Variants in PPARGC1B observed in about 807,000 individuals in gnomAD.
PPARGC1B encodes PPARG coactivator 1 beta.
Under a neutral mutation model 101.6 loss-of-function variants are expected in PPARGC1B, and 34 were observed. That is an observed-to-expected ratio of 0.33 (90% CI 0.25 to 0.45). The LOEUF is 0.45. Among genes scored for constraint, PPARGC1B ranks in the 20% least tolerant of loss-of-function variants. The probability of loss-of-function intolerance (pLI) is 1.00; values close to 1 mark genes in which losing one functional copy is unlikely to be tolerated. For missense variants in PPARGC1B, 1,234 were observed against 1,317.6 expected (o/e 0.94, Z 0.98); for synonymous variants, 548 against 539.3 (o/e 1.02, Z -0.22).
intron 1 of PPARGC1B, among the ~76,000 whole-genome samples, chr5:149,797,870 G>A (rs1042410275): frequency 1.3e-5 from 2 of 152,160 alleles, no homozygotes; most frequent in East Asian, 1.9e-4. Flanking sequence ...GCAGTGAGCC[G>A]AGATTGCACC....
At chr5:149,846,090 T>C in intron 11 of PPARGC1B, 176 bp downstream of exon 11, 4 of 704,498 alleles carry the variant, frequency 5.7e-6, no homozygotes, top group Non-Finnish European at 7.5e-6. Context: ...CCATCCTGTT[T>C]CTCTTCTGGC....
chr5:149,817,521 T>C, intron 1 of PPARGC1B: 1 of 339,752 alleles, frequency 2.9e-6, no homozygotes, highest in Non-Finnish European at 5.8e-6. Flanking sequence ...TTGTTTCCTG[T>C]TATCTTCCAT....
At chr5:149,732,720 G>A in intron 1 of PPARGC1B, 1 of 456,030 alleles carries the variant, frequency 2.2e-6, no homozygotes. Context: ...AAGAGGACCT[G>A]GGCGGGCCCA....
intron 2 of PPARGC1B, among the ~76,000 whole-genome samples, chr5:149,822,324 G>T (rs1331164821): frequency 6.6e-6 from 1 of 152,190 alleles, no homozygotes; most frequent in Admixed American, 6.5e-5. Context: ...AGTAAGCTTG[G>T]TGCGGCCCCA....
At chr5:149,769,438 G>A (rs945091815) in intron 1 of PPARGC1B, among the ~76,000 whole-genome samples, 4 of 152,184 alleles carry the variant, frequency 2.6e-5, no homozygotes, top group Non-Finnish European at 4.4e-5. Flanking sequence ...GGAGCCAGGC[G>A]TCAGGAGGCA....
chr5:149,758,782 TA>T (rs1755623330), intron 1 of PPARGC1B, among the ~76,000 whole-genome samples: 1 of 152,362 alleles, frequency 6.6e-6, no homozygotes, highest in African/African-American at 2.4e-5. Context: ...TTCTTGTTTT[TA>T]ATTCAACAAA....
At chr5:149,791,498 G>A (rs1400699272) in intron 1 of PPARGC1B, among the ~76,000 whole-genome samples, 2 of 152,006 alleles carry the variant, frequency 1.3e-5, no homozygotes, top group Non-Finnish European at 2.9e-5. Flanking sequence ...CATCCCTGCA[G>A]GTGTGCAAGG....
chr5:149,842,421 G>C, intron 10 of PPARGC1B, 44 bp downstream of exon 10: 1 of 1,594,964 alleles, frequency 6.3e-7, no homozygotes, highest in Non-Finnish European at 8.6e-7. Context: ...GCAGAGAGGG[G>C]CACTGGTCCT....
intron 1 of PPARGC1B, among the ~76,000 whole-genome samples, chr5:149,735,614 A>G (rs1380392660): frequency 2.0e-5 from 3 of 152,208 alleles, no homozygotes; most frequent in East Asian, 1.9e-4. Flanking sequence ...TGCAAAATGT[A>G]GGTGCTGTTG....
chr5:149,790,905 G>A (rs1756993464), intron 1 of PPARGC1B, among the ~76,000 whole-genome samples: 1 of 152,066 alleles, frequency 6.6e-6, no homozygotes, highest in South Asian at 2.1e-4. Context: ...CAGGATCTCT[G>A]GGGTAGGGCC....
At chr5:149,802,787 T>C (rs765977008) in intron 1 of PPARGC1B, among the ~76,000 whole-genome samples, 2 of 152,152 alleles carry the variant, frequency 1.3e-5, no homozygotes, top group Non-Finnish European at 1.5e-5. Context: ...TAAATGTGCC[T>C]ATGAATCACC....
At chr5:149,775,517 C>T (rs1756326282) in intron 1 of PPARGC1B, among the ~76,000 whole-genome samples, 3 of 152,070 alleles carry the variant, frequency 2.0e-5, no homozygotes, top group South Asian at 4.1e-4. Flanking sequence ...CCATGGCAGA[C>T]AGAACGAATT....
chr5:149,750,935 G>A (rs1755276549), intron 1 of PPARGC1B, among the ~76,000 whole-genome samples: 1 of 152,150 alleles, frequency 6.6e-6, no homozygotes, highest in Non-Finnish European at 1.5e-5. Context: ...TACAGAAAAA[G>A]TTAATGTAAA....
rs1421136092 is a variant in PPARGC1B, at chr5:149,762,618, C to A, written c.78+32198C>A. Among the ~76,000 whole-genome samples, 3 of 152,318 alleles carry A rather than the reference C, an allele frequency of 2.0e-5. No individual in the cohort carries two copies. In the East Asian group the frequency reaches 5.8e-4, roughly 29 times the overall value. ...TTTAGAGGGTGTGTTATCCAAATAG[C>A]CTCCCAGGCAGGGCTTGGGCTGTTT... is the stretch of plus-strand genomic sequence containing the variant. On this transcript the variant is annotated intron_variant, in intron 1 of 11. Transcript: ENST00000309241.
chr5:149,836,389 A>G lies in PPARGC1B; in HGVS notation c.1934A>G (p.Lys645Arg), dbSNP rs751120539. The G allele has an allele frequency of 1.2e-5, 20 of 1,613,934 alleles. No individual in the cohort carries two copies. The highest frequency in any genetic ancestry group is 5.0e-5 in the Admixed American group (3 of 59,996). The change falls in exon 8 of 12, where the codon AAG (lysine) becomes AGG (arginine). Residue 645 changes from lysine to arginine, a missense_variant. Coordinates refer to ENST00000309241, the MANE Select transcript of PPARGC1B (RefSeq NM_133263.4). ...CCCTCCCCTGAGGGCCTCTCACTCA[A>G]GGCCACCCCAGGGGCTGCCCACAAG... ...SLPSPEGLSL[K>R]ATPGAAHKLP...
intron 1 of PPARGC1B, among the ~76,000 whole-genome samples, chr5:149,736,851 A>G (rs185953481): frequency 6.6e-6 from 1 of 152,182 alleles, no homozygotes; most frequent in Admixed American, 6.5e-5. Context: ...TGCCCCCAAC[A>G]TGCATAGCCT....
chr5:149,748,504 GAAACC>G (rs1755169635), intron 1 of PPARGC1B, among the ~76,000 whole-genome samples: 1 of 152,130 alleles, frequency 6.6e-6, no homozygotes, highest in East Asian at 1.9e-4. Flanking sequence ...TTGTGCACGG[GAAACC>G]AGTTGCAGAT....
At chr5:149,783,945 CAT>C (rs1463080325) in intron 1 of PPARGC1B, among the ~76,000 whole-genome samples, 1 of 152,146 alleles carries the variant, frequency 6.6e-6, no homozygotes, top group Non-Finnish European at 1.5e-5. Flanking sequence ...TCTGCACACA[CAT>C]GTGTGCAGGC....
rs975611407 is a variant in PPARGC1B at position 149,730,608 on chromosome 5, C to T, written c.78+188C>T. 6.6e-6 allele frequency among the ~76,000 whole-genome samples: 1 copy of T among 152,066 alleles called. No homozygotes were observed. Among genetic ancestry groups the T allele is most frequent in the Non-Finnish European group, 1.5e-5 (1 of 67,980 alleles). ...CCGGGGCAGGGAGCCGGAGGTCTCC[C>T]GGCGCGTGCCGGAGCGCTGGGGGCG... On this transcript the variant is annotated intron_variant, in intron 1 of 11. Transcript: ENST00000309241. This position sits in a 1 kb window ranked among gnomAD's most constrained non-coding sequence, Gnocchi z 4.0.
Sources: allele counts gnomAD v4.1 joint callset (sites outside exome capture counted in the v4.1 genomes callset), GRCh38; gene constraint gnomAD v4.1.1; non-coding constraint Gnocchi (gnomAD v3.1); transcripts MANE v1.5; gene names NCBI Gene and HGNC (gene_info 2026-07-23, HGNC 2026-07-21).